The following PTPRD variants were observed in gnomAD, a reference collection of about 807,000 sequenced individuals.
The protein encoded by PTPRD is protein tyrosine phosphatase receptor type D.
PTPRD carries 34 observed loss-of-function variants against 214.5 expected under a neutral mutation model. The observed-to-expected ratio is 0.16, with a 90% CI of 0.12 to 0.21. The LOEUF is 0.21. PTPRD is among the 10% of genes least tolerant of loss of function. The pLI, the probability that PTPRD is intolerant of heterozygous loss-of-function variation, is 1.00. For missense variants in PTPRD, 2,545 were observed against 2,398.7 expected (o/e 1.06, Z -1.27); for synonymous variants, 1,128 against 845.7 (o/e 1.33, Z -5.79).
intron 10 of PTPRD, among the ~76,000 whole-genome samples, chr9:9,164,875 C>T (rs896769857): frequency 6.7e-6 from 1 of 149,578 alleles, no homozygotes; most frequent in African/African-American, 2.5e-5. Context: ...CAAAACAAAA[C>T]AAAACAAAAC....
chr9:10,417,609 T>C (rs1014297443), intron 2 of PTPRD, among the ~76,000 whole-genome samples: 2 of 151,860 alleles, frequency 1.3e-5, no homozygotes, highest in East Asian at 2.0e-4. Flanking sequence ...ATATCAATAA[T>C]AACATATATA....
intron 2 of PTPRD, among the ~76,000 whole-genome samples, chr9:10,590,520 A>ATTCTGTTCTAG (rs2075163903): frequency 2.0e-5 from 3 of 152,070 alleles, no homozygotes; most frequent in Non-Finnish European, 4.4e-5. Context: ...CTAACACTAT[A>ATTCTGTTCTAG]AATTCTAATA....
intron 2 of PTPRD, among the ~76,000 whole-genome samples, chr9:10,437,252 T>A (rs1170036328): frequency 6.6e-6 from 1 of 151,878 alleles, no homozygotes; most frequent in Admixed American, 6.6e-5. Context: ...AAGCACTATT[T>A]AGAAGTATAT....
chr9:10,400,128 A>C lies in PTPRD; in HGVS notation c.-599-59111T>G, dbSNP rs557064736. Among the ~76,000 whole-genome samples the C allele has an allele frequency of 9.9e-5, 15 of 151,932 alleles. No homozygotes were observed. The South Asian group carries it at 3.1e-3, about 31-fold the overall frequency. On this transcript the variant is annotated intron_variant, in intron 2 of 45. Transcript: ENST00000381196. ...ACAGAAGCCAGAGGAAATACATTCA[A>C]TTCTCGTCTCCTTCACTTATGTAGT...
chr9:9,687,058 T>C (rs1368458543), intron 7 of PTPRD, among the ~76,000 whole-genome samples: 2 of 151,780 alleles, frequency 1.3e-5, no homozygotes, highest in East Asian at 1.9e-4. Flanking sequence ...CCTAACAGTG[T>C]AGTGTTCAAA....
intron 36 of PTPRD, among the ~76,000 whole-genome samples, chr9:8,395,700 A>T (rs2090950803): frequency 6.6e-6 from 1 of 151,822 alleles, no homozygotes; most frequent in African/African-American, 2.4e-5. Context: ...GCTAATGGAG[A>T]AACAGATGAT....
intron 37 of PTPRD, among the ~76,000 whole-genome samples, chr9:8,385,539 C>T (rs2086681788): frequency 6.6e-6 from 1 of 152,020 alleles, no homozygotes; most frequent in South Asian, 2.1e-4. Context: ...AACGAGTGAA[C>T]CAGGCTGTGG....
At chr9:10,304,098 G>A (rs559016112) in intron 3 of PTPRD, among the ~76,000 whole-genome samples, 2 of 152,264 alleles carry the variant, frequency 1.3e-5, no homozygotes, top group African/African-American at 2.4e-5. Flanking sequence ...GGGATGCAAG[G>A]CTGGTTCAAC....
At chr9:8,983,710 G>T (rs528203550) in intron 11 of PTPRD, among the ~76,000 whole-genome samples, 24 of 151,812 alleles carry the variant, frequency 1.6e-4, no homozygotes, top group African/African-American at 5.1e-4. Context: ...TAGAGACAGG[G>T]TCTCATTATG....
At chr9:10,483,956 T>A (rs1589204489) in intron 2 of PTPRD, among the ~76,000 whole-genome samples, 2 of 151,958 alleles carry the variant, frequency 1.3e-5, no homozygotes, top group Non-Finnish European at 2.9e-5. Flanking sequence ...AATCATCATA[T>A]CAAAAAACAT....
chr9:9,145,861 C>A (rs1438265944), intron 10 of PTPRD, among the ~76,000 whole-genome samples: 1 of 152,144 alleles, frequency 6.6e-6, no homozygotes, highest in Admixed American at 6.6e-5. Flanking sequence ...ACAATGGAAA[C>A]CTGCAACAAT....
intron 2 of PTPRD, among the ~76,000 whole-genome samples, chr9:10,381,406 C>T (rs1339369702): frequency 1.3e-5 from 2 of 151,998 alleles, no homozygotes; most frequent in Middle Eastern, 3.2e-3. Context: ...AAGCCTTCAG[C>T]GGAGCACTTG....
At chr9:9,379,628 G>T (rs1431700650) in intron 9 of PTPRD, among the ~76,000 whole-genome samples, 2 of 152,024 alleles carry the variant, frequency 1.3e-5, no homozygotes, top group African/African-American at 4.8e-5. Context: ...AAGTTGGGAA[G>T]AACTGACATC....
At chr9:8,762,933 G>C (rs139918703) in intron 11 of PTPRD, among the ~76,000 whole-genome samples, 1 of 152,140 alleles carries the variant, frequency 6.6e-6, no homozygotes, top group Non-Finnish European at 1.5e-5. Context: ...CCCAGCATGG[G>C]ATGGAGCCTC....
chr9:8,585,848 T>C (rs1254158630), intron 14 of PTPRD, among the ~76,000 whole-genome samples: 1 of 152,228 alleles, frequency 6.6e-6, no homozygotes, highest in Admixed American at 6.5e-5. Context: ...ACTATGTTCT[T>C]ATGTTAGAGA....
At chr9:10,098,961 C>A (rs1003839497) in intron 3 of PTPRD, among the ~76,000 whole-genome samples, 3 of 151,664 alleles carry the variant, frequency 2.0e-5, no homozygotes, top group African/African-American at 7.3e-5. Context: ...ATTTCATAGA[C>A]AGCAAAACTG....
At chr9:10,018,390 A>G (rs575909895) in intron 4 of PTPRD, among the ~76,000 whole-genome samples, 24 of 152,156 alleles carry the variant, frequency 1.6e-4, no homozygotes, top group African/African-American at 5.8e-4. Context: ...AGCTTTCTTA[A>G]GTGTCTAGAT....
chr9:8,548,442 A>T (rs2080958008), intron 14 of PTPRD, among the ~76,000 whole-genome samples: 1 of 151,886 alleles, frequency 6.6e-6, no homozygotes, highest in Non-Finnish European at 1.5e-5. Context: ...ATCTCATCTC[A>T]CTGCAACCTC....
chr9:10,069,772 G>C (rs188642009), intron 3 of PTPRD, among the ~76,000 whole-genome samples: 84 of 152,064 alleles, frequency 5.5e-4, no homozygotes, highest in Non-Finnish European at 9.0e-4. Context: ...CATACACTTT[G>C]ACAATTATGA....
Sources: gnomAD v4.1 joint callset for allele counts (sites outside exome capture counted in the v4.1 genomes callset) on GRCh38, gnomAD v4.1.1 for gene constraint, MANE v1.5 for transcripts, NCBI Gene and HGNC (gene_info 2026-07-23, HGNC 2026-07-21) for gene names.